Variants in EIF4E2 observed in about 807,000 individuals in gnomAD.
The protein encoded by EIF4E2 is eukaryotic translation initiation factor 4E family member 2.
In EIF4E2, 13 loss-of-function variants were observed where a neutral mutation model predicts 34.2. The ratio of observed to expected loss-of-function variants is 0.38; its 90% confidence interval spans 0.25 to 0.60. EIF4E2 has a LOEUF of 0.60. EIF4E2 is among the 20% of genes least tolerant of loss of function. EIF4E2 has a pLI of 0.62. For missense variants in EIF4E2, 222 were observed against 315.1 expected, an observed-to-expected ratio of 0.70 and a Z score of 2.24; for synonymous variants, 100 against 106.6, an observed-to-expected ratio of 0.94 and a Z score of 0.38.
intron 6 of EIF4E2, among the ~76,000 whole-genome samples, chr2:232,580,084 C>CCA (rs6147227): frequency 0.023 from 3,294 of 145,146 alleles, 92 homozygotes; most frequent in East Asian, 0.076. Flanking sequence ...CACATACATA[C>CCA]CACACACACA....
At chr2:232,580,455 G>A (rs148155334) in intron 6 of EIF4E2, among the ~76,000 whole-genome samples, 1 of 152,236 alleles carries the variant, frequency 6.6e-6, no homozygotes, top group East Asian at 1.9e-4. Context: ...TTCCTGTGTA[G>A]CCTTGCAAAG....
chr2:232,555,505 C>T (rs1692488374), intron 1 of EIF4E2, among the ~76,000 whole-genome samples: 1 of 152,176 alleles, frequency 6.6e-6, no homozygotes, highest in Admixed American at 6.5e-5. Context: ...AGCAAGAACA[C>T]ATTTATTCTT....
intron 6 of EIF4E2, 67 bp downstream of exon 6, chr2:232,567,281 C>T (rs184556365): frequency 1.9e-6 from 3 of 1,599,730 alleles, no homozygotes; most frequent in African/African-American, 1.3e-5. Context: ...GTAGTTGGGC[C>T]CAGAGGAATA....
At chr2:232,572,431 T>C (rs1331178071), downstream of EIF4E2, among the ~76,000 whole-genome samples, 1 of 152,218 alleles carries the variant, frequency 6.6e-6, no homozygotes, top group Non-Finnish European at 1.5e-5. Flanking sequence ...AGTGGCGCGA[T>C]CTCTGCTCAC....
At chr2:232,583,557 G>A (rs1318322933) in exon 7 of EIF4E2, 1 of 152,102 alleles carries the variant, frequency 6.6e-6, no homozygotes, top group African/African-American at 2.4e-5. Flanking sequence ...CAGTGGAAAC[G>A]GAGCAGAGGC....
intron 3 of EIF4E2, among the ~76,000 whole-genome samples, chr2:232,559,441 A>AAGATAAAT (rs1553582396): frequency 5.2e-5 from 7 of 135,358 alleles, no homozygotes; most frequent in African/African-American, 2.3e-4. Flanking sequence ...TGGTTTGAAA[A>AAGATAAAT]AAATAAAAAA....
rs951636440 is a variant in EIF4E2 at position 232,558,233 on chromosome 2, T to C, written c.270+215T>C. ...ATCAACAAATATGAGAATTGTAGAG[T>C]TGATCAGAAGGGCATAATACAAAAG... On this transcript the variant is annotated intron_variant, in intron 3 of 6. Coordinates refer to ENST00000258416, the MANE Select transcript of EIF4E2 (RefSeq NM_004846.4). 3 of 516,180 alleles carry C rather than the reference T, an allele frequency of 5.8e-6. No homozygotes were observed. The African/African-American group carries it at 5.9e-5, about 10-fold the overall frequency. The allele number at this position is 516,180 out of a possible 1,614,324, so 32.0% of individuals were successfully genotyped here. A position where few individuals can be genotyped will look rare whatever the true frequency, so the allele number is the denominator to read the frequency against.
Position 232,557,925 on chromosome 2 carries a change from C to G in EIF4E2, c.177C>G (p.Asn59Lys), listed in dbSNP as rs1692581838. The part of the protein sequence containing the change: ...PGPAEHPLQY[N>K]YTFWYSRRTP... ...CGGCAGAGCATCCCCTGCAGTACAA[C>G]TACACTTTTTGGTACTCCAGGAGAA... The change falls in exon 3 of 7, where the codon AAC (asparagine) becomes AAG (lysine). Residue 59 changes from asparagine (N) to lysine (K), a missense_variant. By Grantham distance (94) the Asn-to-Lys change is moderately conservative (BLOSUM62 0). Transcript: ENST00000258416. 3.1e-6 allele frequency: 5 copies of G among 1,614,086 alleles called. No homozygotes were observed. Among genetic ancestry groups the G allele is most frequent in the Non-Finnish European group, 4.2e-6 (5 of 1,180,016 alleles).
intron 6 of EIF4E2, among the ~76,000 whole-genome samples, chr2:232,576,882 G>C (rs949507180): frequency 1.2e-4 from 19 of 152,178 alleles, no homozygotes; most frequent in Non-Finnish European, 2.4e-4. Flanking sequence ...ATTTGGCAGA[G>C]AAACTGCTAT....
intron 6 of EIF4E2, among the ~76,000 whole-genome samples, chr2:232,577,579 A>G (rs1693252437): frequency 6.6e-6 from 1 of 152,240 alleles, no homozygotes; most frequent in Non-Finnish European, 1.5e-5. Context: ...GACCATTTTA[A>G]GGTAGAGCAG....
rs1028083862 is a variant in EIF4E2 at position 232,581,876 on chromosome 2, A to T, written c.*933A>T. 1.3e-5 allele frequency: 2 copies of T among 152,288 alleles called. No individual in the cohort carries two copies. Among genetic ancestry groups the T allele is most frequent in the African/African-American group, 4.8e-5 (2 of 41,464 alleles). The allele number at this position is 152,288 out of a possible 1,614,324, so 9.4% of individuals were successfully genotyped here. On this transcript the variant is annotated 3_prime_UTR_variant, in exon 7 of 7. Coordinates refer to the EIF4E2 transcript ENST00000409098. This position sits in a 1 kb window ranked among gnomAD's most constrained non-coding sequence, Gnocchi z 5.2. ...ATTGCCAGGCCTATTAACACTTAAT[A>T]TGCAAATTCTATCATCCTGAAACTG... is the stretch of plus-strand genomic sequence containing the variant.
At chr2:232,557,827 T>G (rs944351609) in intron 2 of EIF4E2, 57 bp from the exon 3 acceptor site, 3 of 1,583,196 alleles carry the variant, frequency 1.9e-6, no homozygotes, top group East Asian at 2.3e-5. Flanking sequence ...AAATGTTCTC[T>G]CAGTCTCAGA....
chr2:232,574,802 G>A (rs1693169185), intron 6 of EIF4E2, among the ~76,000 whole-genome samples: 1 of 152,186 alleles, frequency 6.6e-6, no homozygotes, highest in Non-Finnish European at 1.5e-5. Flanking sequence ...TATAAATTCA[G>A]CGTTTCAGCA....
intron 1 of EIF4E2, among the ~76,000 whole-genome samples, chr2:232,551,931 C>A (rs1397061054): frequency 1.3e-5 from 2 of 152,124 alleles, no homozygotes; most frequent in Non-Finnish European, 2.9e-5. Flanking sequence ...CTCTATCCTG[C>A]TGTTTAACTG....
chr2:232,579,552 C>T (rs182343714), intron 6 of EIF4E2, among the ~76,000 whole-genome samples: 2 of 152,314 alleles, frequency 1.3e-5, no homozygotes, highest in Admixed American at 1.3e-4. Context: ...AGCTGACCGC[C>T]ATCATGGAGG....
At chr2:232,578,919 TAAG>T (rs1693280618) in intron 6 of EIF4E2, among the ~76,000 whole-genome samples, 1 of 152,094 alleles carries the variant, frequency 6.6e-6, no homozygotes, top group African/African-American at 2.4e-5. Context: ...TTTCTTTTAA[TAAG>T]AAGAGCAGAA....
chr2:232,564,187 G>T, intron 3 of EIF4E2, 60 bp from the exon 4 acceptor site: 1 of 1,111,610 alleles, frequency 9.0e-7, no homozygotes, highest in Non-Finnish European at 1.3e-6. Flanking sequence ...TCAACCTTGG[G>T]ATGCATTCAA....
chr2:232,561,869 C>T (rs1329380541), intron 3 of EIF4E2, among the ~76,000 whole-genome samples: 3 of 135,026 alleles, frequency 2.2e-5, no homozygotes, highest in Non-Finnish European at 4.7e-5. Flanking sequence ...TCTGTGAATG[C>T]TTATTTTTTT....
At chr2:232,567,937 A>G (rs558737382) in intron 6 of EIF4E2, 282 of 982,562 alleles carry the variant, frequency 2.9e-4, no homozygotes, top group Admixed American at 3.7e-4. Flanking sequence ...CTAGCCAGCT[A>G]AGAGTTAGGA....
Sources: allele counts gnomAD v4.1 joint callset (sites outside exome capture counted in the v4.1 genomes callset), GRCh38; gene constraint gnomAD v4.1.1; non-coding constraint Gnocchi (gnomAD v3.1); transcripts MANE v1.5; gene names NCBI Gene and HGNC (gene_info 2026-07-23, HGNC 2026-07-21).